The following MAPK10 variants were observed in gnomAD, a reference collection of about 807,000 sequenced individuals.
The protein encoded by MAPK10 is JNK3 alpha protein kinase.
In MAPK10, 25 loss-of-function variants were observed where a neutral mutation model predicts 59.3. That is an observed-to-expected ratio of 0.42 (90% CI 0.31 to 0.59). MAPK10 has a LOEUF of 0.59. Among genes scored for constraint, MAPK10 ranks in the 20% least tolerant of loss-of-function variants. The probability of loss-of-function intolerance (pLI) is 0.15; values close to 1 mark genes in which losing one functional copy is unlikely to be tolerated. For missense variants in MAPK10, 351 were observed against 568.9 expected, an observed-to-expected ratio of 0.62 and a Z score of 3.90; for synonymous variants, 190 against 200.5, an observed-to-expected ratio of 0.95 and a Z score of 0.44.
At chr4:86,025,184 A>G (rs1241873334) in intron 13 of MAPK10, 2 of 223,762 alleles carry the variant, frequency 8.9e-6, no homozygotes, top group African/African-American at 4.5e-5. Context: ...AATTGGTCAC[A>G]GTGAGAATAT....
intron 1 of MAPK10, among the ~76,000 whole-genome samples, chr4:86,502,978 T>C (rs1251727482): frequency 1.3e-5 from 2 of 152,036 alleles, no homozygotes; most frequent in African/African-American, 2.4e-5. Flanking sequence ...AAGGGTGGGA[T>C]CCTTCAGTTC....
rs147199711 is a variant in MAPK10, at chr4:86,410,633, G to C, written c.-122+42397C>G. Among the ~76,000 whole-genome samples the C allele has an allele frequency of 9.8e-3, 1,486 of 152,310 alleles. 18 individuals are homozygous for C. The highest frequency in any genetic ancestry group is 0.034 in the African/African-American group (1,410 of 41,570). Reference sequence around the variant, plus strand: ...CCTTCTTCCTGGTTTAGTCTTGGGAGTGTGTATGTGTCCAGGAATTTATCC... The same window carrying C: ...CCTTCTTCCTGGTTTAGTCTTGGGACTGTGTATGTGTCCAGGAATTTATCC... On this transcript the variant is annotated intron_variant, in intron 1 of 13. Transcript: ENST00000361569.
intron 1 of MAPK10, among the ~76,000 whole-genome samples, chr4:86,397,663 T>G (rs980108402): frequency 3.9e-5 from 6 of 152,038 alleles, no homozygotes; most frequent in African/African-American, 1.4e-4. Flanking sequence ...ATTTCCTCCC[T>G]GGGCAATACC....
intron 2 of MAPK10, among the ~76,000 whole-genome samples, chr4:86,296,492 T>TA (rs2095364527): frequency 6.6e-6 from 1 of 152,172 alleles, no homozygotes; most frequent in East Asian, 1.9e-4. Context: ...ACCCTTCTGA[T>TA]AAAATGGAAC....
chr4:86,571,934 T>C (rs567838422), intron 1 of MAPK10, among the ~76,000 whole-genome samples: 1 of 152,208 alleles, frequency 6.6e-6, no homozygotes, highest in South Asian at 2.1e-4. Context: ...TGGTTTTTTA[T>C]TTTTTATTTG....
At chr4:86,510,958 G>C (rs145566478) in intron 1 of MAPK10, among the ~76,000 whole-genome samples, 1 of 152,262 alleles carries the variant, frequency 6.6e-6, no homozygotes, top group Non-Finnish European at 1.5e-5. Flanking sequence ...ATAAGTTCTA[G>C]TATTCAGTAG....
chr4:86,019,235 C>T (rs1257966413), intron 13 of MAPK10, among the ~76,000 whole-genome samples: 3 of 152,024 alleles, frequency 2.0e-5, no homozygotes, highest in Non-Finnish European at 4.4e-5. Context: ...TTTCCCTGGT[C>T]GTGATCTTTT....
intron 2 of MAPK10, chr4:86,326,161 G>A (rs888451766): frequency 6.6e-6 from 1 of 152,158 alleles, no homozygotes; most frequent in Non-Finnish European, 1.5e-5. Context: ...GAGTTAACAA[G>A]TAGAGAACAT....
chr4:86,059,526 C>T (rs2045311770), intron 11 of MAPK10, among the ~76,000 whole-genome samples: 1 of 151,946 alleles, frequency 6.6e-6, no homozygotes, highest in African/African-American at 2.4e-5. Context: ...ACTCTGTTTC[C>T]CAGGTTATAC....
At chr4:86,579,532 C>CAT (rs1762121620) in intron 1 of MAPK10, among the ~76,000 whole-genome samples, 1 of 137,934 alleles carries the variant, frequency 7.2e-6, no homozygotes, top group Admixed American at 7.1e-5. Flanking sequence ...CACACACACA[C>CAT]ACACACACAC....
chr4:86,530,450 G>C (rs1246739654), intron 1 of MAPK10, among the ~76,000 whole-genome samples: 3 of 152,186 alleles, frequency 2.0e-5, no homozygotes, highest in African/African-American at 4.8e-5. Flanking sequence ...ACAGCACACA[G>C]TGGGAAAACA....
rs59060784 is a variant in MAPK10, at chr4:86,558,087, C to T, written c.-263+35823G>A. Among the ~76,000 whole-genome samples, 156 of 152,040 alleles carry T rather than the reference C, an allele frequency of 1.0e-3. 2 individuals are homozygous for T. The East Asian group carries it at 0.022, about 22-fold the overall frequency. ...TTTACTAATACATACAGAGGTGAAACAAAAAGTAAATTAAAAATACATATT... is the reference window on the plus strand; with the variant it reads ...TTTACTAATACATACAGAGGTGAAATAAAAAGTAAATTAAAAATACATATT... On this transcript the variant is annotated intron_variant, in intron 1 of 4. Transcript: ENST00000502302.
At chr4:86,038,702 T>C (rs1185017350) in intron 11 of MAPK10, among the ~76,000 whole-genome samples, 2 of 152,164 alleles carry the variant, frequency 1.3e-5, no homozygotes, top group Admixed American at 1.3e-4. Flanking sequence ...GTTTAGCATG[T>C]CCAATTTTTC....
chr4:86,317,025 A>G (rs1383597385), intron 2 of MAPK10, among the ~76,000 whole-genome samples: 2 of 152,128 alleles, frequency 1.3e-5, no homozygotes, highest in African/African-American at 2.4e-5. Flanking sequence ...TGCAGTCTCT[A>G]TCTAGTCCAT....
At chr4:86,102,216 T>C (rs1380042742) in intron 6 of MAPK10, 184 bp from the exon 7 acceptor site, 5 of 477,284 alleles carry the variant, frequency 1.0e-5, no homozygotes, top group Middle Eastern at 5.5e-4. Flanking sequence ...TACCAAAAGG[T>C]TGCTAGTAGA....
At chr4:86,040,152 C>T (rs1560862373) in intron 11 of MAPK10, among the ~76,000 whole-genome samples, 1 of 152,096 alleles carries the variant, frequency 6.6e-6, no homozygotes, top group Non-Finnish European at 1.5e-5. Flanking sequence ...ACAAAAATCT[C>T]CCAGTGGCTG....
At chr4:86,576,119 G>C (rs1454750442) in intron 1 of MAPK10, among the ~76,000 whole-genome samples, 1 of 151,840 alleles carries the variant, frequency 6.6e-6, no homozygotes, top group Admixed American at 6.6e-5. Flanking sequence ...AGCCTCCTGA[G>C]TAGCTGTGAT....
At chr4:86,097,222 C>A (rs2054399889) in intron 9 of MAPK10, among the ~76,000 whole-genome samples, 2 of 151,832 alleles carry the variant, frequency 1.3e-5, no homozygotes, top group Admixed American at 6.6e-5. Flanking sequence ...TGCTGAATAA[C>A]CACATGTGGC....
intron 2 of MAPK10, among the ~76,000 whole-genome samples, chr4:86,222,586 C>T (rs1430887980): frequency 6.6e-6 from 1 of 152,206 alleles, no homozygotes; most frequent in African/African-American, 2.4e-5. Context: ...AAGACTAAGA[C>T]TTCATAATAC....
Sources: allele counts gnomAD v4.1 joint callset (sites outside exome capture counted in the v4.1 genomes callset), GRCh38; gene constraint gnomAD v4.1.1; transcripts MANE v1.5; gene names NCBI Gene and HGNC (gene_info 2026-07-23, HGNC 2026-07-21).